Variants in CIT observed in about 807,000 individuals in gnomAD.
CIT encodes the protein citron Rho-interacting kinase.
CIT carries 79 observed loss-of-function variants against 272.7 expected under a neutral mutation model. The ratio of observed to expected loss-of-function variants is 0.29; its 90% CI spans 0.24 to 0.35. The LOEUF is 0.35. Ranked by LOEUF, CIT falls within the 10% of genes least tolerant of loss-of-function variation. The probability of loss-of-function intolerance (pLI) is 1.00; values close to 1 mark genes in which losing one functional copy is unlikely to be tolerated. For missense variants in CIT, 1,909 were observed against 2,618.3 expected, an observed-to-expected ratio of 0.73 and a Z score of 5.91; for synonymous variants, 948 against 995.6, an observed-to-expected ratio of 0.95 and a Z score of 0.90.
chr12:119,771,563 G>A (rs994035661), intron 17 of CIT, among the ~76,000 whole-genome samples: 10 of 152,166 alleles, frequency 6.6e-5, no homozygotes, highest in African/African-American at 2.4e-4. Context: ...AGGGTTTCAG[G>A]TACCAGGCTC....
At chr12:119,853,003 C>CT (rs1265021167) in intron 4 of CIT, among the ~76,000 whole-genome samples, 1 of 152,058 alleles carries the variant, frequency 6.6e-6, no homozygotes, top group African/African-American at 2.4e-5. Flanking sequence ...CTATCTCCTA[C>CT]TGGTTCCATT....
intron 22 of CIT, among the ~76,000 whole-genome samples, chr12:119,755,440 G>T (rs532262828): frequency 6.6e-6 from 1 of 152,290 alleles, no homozygotes; most frequent in South Asian, 2.1e-4. Context: ...ACCTCAGACC[G>T]CTGTCTGCTT....
chr12:119,718,163 C>T lies in CIT; in HGVS notation c.4168+82G>A. On this transcript the variant is annotated intron_variant, in intron 32 of 47. Coordinates refer to ENST00000392521, the MANE Select transcript of CIT (RefSeq NM_001206999.2). This position sits in a 1 kb window ranked among gnomAD's most constrained non-coding sequence, Gnocchi z 4.8. The stretch of plus-strand genomic sequence containing the variant: ...CCAAGACTGACTTTTTAATCTTTAA[C>T]CCCTAGTATTACTTGTAATTTTTAC... 2.1e-6 allele frequency: 3 copies of T among 1,461,772 alleles called. No individual in the cohort carries two copies. Among genetic ancestry groups the T allele is most frequent in the Non-Finnish European group, 2.8e-6 (3 of 1,085,928 alleles). The allele number at this position is 1,461,772 out of a possible 1,614,324, so 90.6% of individuals were successfully genotyped here. A position where few individuals can be genotyped will look rare whatever the true frequency, so the allele number is the denominator to read the frequency against.
At chr12:119,801,481 C>G (rs1486763055) in intron 10 of CIT, among the ~76,000 whole-genome samples, 1 of 152,126 alleles carries the variant, frequency 6.6e-6, no homozygotes, top group Non-Finnish European at 1.5e-5. Context: ...TGCCTTTTCC[C>G]CTGAAATCTA....
rs1956095718 is a variant in CIT at position 119,694,050 on chromosome 12, G to T, written c.5883-3596C>A. On this transcript the variant is annotated intron_variant, in intron 46 of 47. Coordinates refer to ENST00000392521, the MANE Select transcript of CIT (RefSeq NM_001206999.2). The surrounding 1 kb of genome is among the most constrained non-coding windows in gnomAD (Gnocchi z 4.5). Reference sequence around the variant, plus strand: ...GGTTAAATAATCTCAGACCTTCTTTGCAGGCCAAGGTTTCAAACTTCCTAC... The same window carrying T: ...GGTTAAATAATCTCAGACCTTCTTTTCAGGCCAAGGTTTCAAACTTCCTAC... Among the ~76,000 whole-genome samples the T allele has an allele frequency of 6.6e-6, 1 of 152,102 alleles. No individual in the cohort carries two copies. The highest frequency in any genetic ancestry group is 2.4e-5 in the African/African-American group (1 of 41,402).
At chr12:119,764,972 A>C (rs1314729013) in intron 19 of CIT, among the ~76,000 whole-genome samples, 2 of 151,776 alleles carry the variant, frequency 1.3e-5, no homozygotes, top group Non-Finnish European at 2.9e-5. Flanking sequence ...ACGCCTGGCT[A>C]ATTTTTTTGT....
intron 5 of CIT, among the ~76,000 whole-genome samples, chr12:119,843,934 T>C (rs973541075): frequency 3.9e-5 from 6 of 152,098 alleles, no homozygotes; most frequent in African/African-American, 1.4e-4. Flanking sequence ...GGTACCGATA[T>C]AAATCTAGGA....
Position 119,785,062 on chromosome 12 carries a change from A to G in CIT, c.1299T>C (p.Ser433=). ...KALGILGRSE[S]VVSGLDSPAK... is the part of the protein sequence containing the mutation. ...CAGGGGAGTCCAGACCCGACACAACAGACCTAGGTAGAGAAAAACCAACGT... is the reference window on the plus strand; with the variant it reads ...CAGGGGAGTCCAGACCCGACACAACGGACCTAGGTAGAGAAAAACCAACGT... The change falls in exon 11 of 48, where the codon TCT becomes TCC. Residue 433 remains serine (S), a synonymous_variant. Coordinates refer to ENST00000392521, the MANE Select transcript of CIT (RefSeq NM_001206999.2). 6.2e-7 allele frequency: 1 copy of G among 1,613,868 alleles called. No homozygotes were observed. Among genetic ancestry groups the G allele is most frequent in the Non-Finnish European group, 8.5e-7 (1 of 1,179,932 alleles).
chr12:119,808,675 G>C (rs1393736247), intron 9 of CIT, among the ~76,000 whole-genome samples: 2 of 152,184 alleles, frequency 1.3e-5, no homozygotes, highest in Non-Finnish European at 2.9e-5. Context: ...AATGAATCAG[G>C]ACTGTGCCTA....
intron 26 of CIT, among the ~76,000 whole-genome samples, chr12:119,731,906 G>A (rs992926475): frequency 2.0e-5 from 3 of 150,646 alleles, no homozygotes; most frequent in African/African-American, 7.4e-5. Context: ...CGTGATCTCA[G>A]TTCACTGCAA....
chr12:119,866,531 G>A (rs929095559), intron 3 of CIT, among the ~76,000 whole-genome samples: 3 of 152,088 alleles, frequency 2.0e-5, no homozygotes, highest in African/African-American at 7.2e-5. Context: ...CTCAAATGCT[G>A]TTGTGGGCTG....
Position 119,687,286 on chromosome 12 carries a change from GAAC to G in CIT, c.*943_*945del, listed in dbSNP as rs2136882685. 1 of 152,748 alleles carries G rather than the reference GAAC, an allele frequency of 6.5e-6. No individual in the cohort carries two copies. The highest frequency in any genetic ancestry group is 2.4e-5 in the African/African-American group (1 of 41,556). The allele number at this position is 152,748 out of a possible 1,614,324, so 9.5% of individuals were successfully genotyped here. ...GGCCTCTTCCCCATCCCAGAGTGGG[GAAC>G]AACACGCCGTCACAGACAAGGAAGT... is the stretch of plus-strand genomic sequence containing the variant. On this transcript the variant is annotated 3_prime_UTR_variant, in exon 48 of 48. Coordinates refer to ENST00000392521, the MANE Select transcript of CIT (RefSeq NM_001206999.2).
At chr12:119,834,322 A>T in intron 5 of CIT, 94 bp from the exon 6 acceptor site, 1 of 1,172,574 alleles carries the variant, frequency 8.5e-7, no homozygotes, top group Non-Finnish European at 1.2e-6. Context: ...GTGTTATAAT[A>T]ACAAGGTCTC....
Position 119,712,340 on chromosome 12 carries a change from T to C in CIT, c.4692A>G (p.Pro1564=), listed in dbSNP as rs1182465850. Residue 1564 remains proline (P), a synonymous_variant, in exon 37 of 48, where the codon CCA becomes CCG. Transcript: ENST00000392521. This position sits in a 1 kb window ranked among gnomAD's most constrained non-coding sequence, Gnocchi z 5.2. The stretch of plus-strand genomic sequence containing the variant: ...GGTGAGATTCCATCTTCAGTATGTA[T>C]GGGACATCTAGGAGATTTCAGAGAG... ...ELANTAKADV[P]YILKMESHPH... 6.2e-7 allele frequency: 1 copy of C among 1,610,876 alleles called. No individual in the cohort carries two copies.
Position 119,803,376 on chromosome 12 carries a change from G to T in CIT, c.1125C>A (p.Phe375Leu). 2 of 1,570,490 alleles carry T rather than the reference G, an allele frequency of 1.3e-6. No individual in the cohort carries two copies. The highest frequency in any genetic ancestry group is 1.7e-6 in the Non-Finnish European group (2 of 1,162,738). ...WNNIRNSPPP[F>L]VPTLKSDDDT... ...CATCGTCAGACTTGAGGGTGGGAAC[G>T]AAGGGGGGAGGAGCTGGTTAAAGAA... Residue 375 changes from phenylalanine (F) to leucine (L), a missense_variant, in exon 10 of 48, where the codon TTC becomes TTA. Transcript: ENST00000392521.
intron 9 of CIT, among the ~76,000 whole-genome samples, chr12:119,815,075 C>CG (rs1339801323): frequency 7.4e-6 from 1 of 135,646 alleles, no homozygotes; most frequent in Non-Finnish European, 1.5e-5. Flanking sequence ...CGAATATGTG[C>CG]GTGCTCACAT....
intron 16 of CIT, among the ~76,000 whole-genome samples, 177 bp downstream of exon 16, chr12:119,775,609 G>T (rs1168097229): frequency 6.6e-6 from 1 of 152,190 alleles, no homozygotes; most frequent in African/African-American, 2.4e-5. Context: ...TGTCTCAAAA[G>T]GAAAAACTAT....
chr12:119,757,772 G>C (rs773501600), intron 21 of CIT, among the ~76,000 whole-genome samples: 2 of 152,138 alleles, frequency 1.3e-5, no homozygotes, highest in South Asian at 4.1e-4. Flanking sequence ...CCTCACATAT[G>C]GGATTAAGTA....
chr12:119,863,553 A>G (rs528913947), intron 3 of CIT, among the ~76,000 whole-genome samples: 4 of 151,980 alleles, frequency 2.6e-5, no homozygotes, highest in Non-Finnish European at 5.9e-5. Flanking sequence ...TTTGAGACGG[A>G]GTCTTACTCT....
Sources: gnomAD v4.1 joint callset for allele counts (sites outside exome capture counted in the v4.1 genomes callset) on GRCh38, gnomAD v4.1.1 for gene constraint, Gnocchi (gnomAD v3.1) non-coding constraint, MANE v1.5 for transcripts, NCBI Gene and HGNC (gene_info 2026-07-23, HGNC 2026-07-21) for gene names.